RPGR: variants seen among roughly 807,000 people sequenced by gnomAD.
The protein encoded by RPGR is retinitis pigmentosa GTPase regulator, also known as X-linked retinitis pigmentosa GTPase regulator.
In RPGR, 10 loss-of-function variants were observed where a neutral mutation model predicts 56.3. The ratio of observed to expected loss-of-function variants is 0.18; its 90% confidence interval spans 0.11 to 0.30. The LOEUF (loss-of-function observed/expected upper bound fraction) is 0.30, where lower values mean the gene tolerates loss of function less well. Among genes scored for constraint, RPGR ranks in the 10% least tolerant of loss-of-function variants. The pLI is 1.00. For synonymous variants in RPGR, 197 were observed against 212.9 expected (o/e 0.93, Z 0.65); for missense variants, 538 against 590.9 (o/e 0.91, Z 0.93).
intron 1 of RPGR, among the ~76,000 whole-genome samples, chrX:38,325,353 C>T (rs1409012168): frequency 9.0e-6 from 1 of 111,108 alleles, no homozygotes; most frequent in Non-Finnish European, 1.9e-5. Flanking sequence ...AAAAGGTCCC[C>T]CTTACACACA....
At chrX:38,272,913 AC>A (rs2066868129) in intron 18 of RPGR, among the ~76,000 whole-genome samples, 1 of 111,941 alleles carries the variant, frequency 8.9e-6, no homozygotes, top group South Asian at 3.7e-4. Flanking sequence ...TCCAGAGGGG[AC>A]ATCTGAGTAA....
At chrX:38,320,959 C>A (rs2067927590) in intron 4 of RPGR, 68 bp downstream of exon 4, 1 of 837,152 alleles carries the variant, frequency 1.2e-6, no homozygotes, top group African/African-American at 2.0e-5. Context: ...TTTTACAAAG[C>A]CACGTTACTG....
At position 38,301,258 on chromosome X, in the gene RPGR, T is replaced by C. The variant is rs2147238397; in HGVS notation, c.1048A>G (p.Ile350Val). 1 of 1,201,668 alleles carries C rather than the reference T, an allele frequency of 8.3e-7. No individual in the cohort carries two copies. Among genetic ancestry groups the C allele is most frequent in the East Asian group, 3.0e-5 (1 of 33,725 alleles). The change falls in exon 9 of 19, where the codon ATA becomes GTA. Residue 350 changes from isoleucine to valine, a missense_variant. Physicochemically the swap from Ile to Val is conservative, Grantham distance 29. Coordinates refer to ENST00000642395, the MANE Select transcript of RPGR (RefSeq NM_000328.3). ...TGTGATGCCCTTACCAATTTAACTA[T>C]AAACCTCAAAAAATTAGAGCACAAA...
At chrX:38,274,947 A>G in intron 17 of RPGR, 1 of 491,575 alleles carries the variant, frequency 2.0e-6, no homozygotes, top group Non-Finnish European at 3.5e-6. Context: ...ATAGCTTGTT[A>G]TGAGGATCAT....
Position 38,297,441 on chromosome X carries a change from T to G in RPGR, c.1257A>C (p.Pro419=), listed in dbSNP as rs759743089. The G allele has an allele frequency of 1.2e-5, 14 of 1,202,573 alleles. 1 individual carries two copies. Among genetic ancestry groups the G allele is most frequent in the Admixed American group, 2.2e-5 (1 of 45,489 alleles). Reference sequence around the variant, plus strand: ...GTGTTCTCCTCATTGAAAAAGAATCTGGAGACCTCTCCTTTAAAATAAGCA... The same window carrying G: ...GTGTTCTCCTCATTGAAAAAGAATCGGGAGACCTCTCCTTTAAAATAAGCA... The change falls in exon 11 of 19, where the codon CCA becomes CCC. Residue 419 remains proline (P), a synonymous_variant. Coordinates refer to ENST00000642395, the MANE Select transcript of RPGR (RefSeq NM_000328.3).
chrX:38,302,825 T>G (rs1263341426), intron 8 of RPGR, among the ~76,000 whole-genome samples: 1 of 105,440 alleles, frequency 9.5e-6, no homozygotes, highest in Non-Finnish European at 2.0e-5. Context: ...TTCTTTTTTT[T>G]TTTGAGATGG....
chrX:38,323,547 AT>A, intron 1 of RPGR, 23 bp from the exon 2 acceptor site: 1 of 1,203,520 alleles, frequency 8.3e-7, no homozygotes, highest in Non-Finnish European at 1.1e-6. Context: ...GACGGTCTTT[AT>A]TTTATAACTT....
intron 15 of RPGR, among the ~76,000 whole-genome samples, chrX:38,281,412 A>C (rs1447867682): frequency 1.8e-5 from 2 of 112,656 alleles, no homozygotes; most frequent in East Asian, 5.6e-4. Context: ...TATGGTGTGT[A>C]ATAGTTTCAC....
At chrX:38,272,607 A>G (rs922252810) in intron 18 of RPGR, 2 of 111,106 alleles carry the variant, frequency 1.8e-5, no homozygotes, top group African/African-American at 6.6e-5. Context: ...AAAAAAAAAA[A>G]TCCATACTTA....
Position 38,287,848 on chromosome X carries a change from C to A in RPGR, c.1753+13G>T. On this transcript the variant is annotated intron_variant, in intron 14 of 18. Coordinates refer to ENST00000642395, the MANE Select transcript of RPGR (RefSeq NM_000328.3). Reference sequence around the variant, plus strand: ...AGTGTCAGCCTGAGGTCCCACCTGGCCTGTGTCATTACCTACTTCCTCATC... The same window carrying A: ...AGTGTCAGCCTGAGGTCCCACCTGGACTGTGTCATTACCTACTTCCTCATC... The A allele has an allele frequency of 8.3e-7, 1 of 1,206,247 alleles. No individual in the cohort carries two copies. The highest frequency in any genetic ancestry group is 1.1e-6 in the Non-Finnish European group (1 of 890,780).
intron 11 of RPGR, 143 bp from the exon 12 acceptor site, chrX:38,291,627 G>GA (rs1355671193): frequency 4.8e-6 from 2 of 414,617 alleles, no homozygotes; most frequent in African/African-American, 5.0e-5. Context: ...CAGGGAAATT[G>GA]AAAAGAATTC....
chrX:38,320,949 T>A (rs1216364528), intron 4 of RPGR, 78 bp downstream of exon 4: 4 of 784,059 alleles, frequency 5.1e-6, no homozygotes, highest in Non-Finnish European at 7.8e-6. Flanking sequence ...TCTCTATTAA[T>A]TTTACAAAGC....
At chrX:38,304,835 A>G in intron 7 of RPGR, 45 bp from the exon 8 acceptor site, 1 of 1,134,428 alleles carries the variant, frequency 8.8e-7, no homozygotes, top group Non-Finnish European at 1.2e-6. Flanking sequence ...ATGGAAGCAG[A>G]CACTGTTACC....
Position 38,327,437 on chromosome X carries a change from G to A in RPGR, c.-70C>T. The A allele has an allele frequency of 3.8e-6, 4 of 1,048,384 alleles. No individual in the cohort carries two copies. The South Asian group carries it at 6.5e-5, about 17-fold the overall frequency. 86.4% of individuals were successfully genotyped at this position (1,048,384 alleles called of 1,213,427 possible). A position where few individuals can be genotyped will look rare whatever the true frequency, so the allele number is the denominator to read the frequency against. On this transcript the variant is annotated 5_prime_UTR_variant, in exon 1 of 19. Transcript: ENST00000642395. ...AGAGGACGGTTTGGTCGGGGCTAAA[G>A]CAGCTACTCCGCACCGACGCGGGCC...
chrX:38,286,683 TTCC>T lies in RPGR; in HGVS notation c.1905+408_1905+410del, dbSNP rs1387045893. ...CTCTTTCCTCCTTTTTCCTCTCTCC[TTCC>T]TCCTTTTCACGTTCTCCCTCCACTT... is the stretch of plus-strand genomic sequence containing the variant. On this transcript the variant is annotated intron_variant, in intron 15 of 18. Coordinates refer to ENST00000642395, the MANE Select transcript of RPGR (RefSeq NM_000328.3). 3.5e-6 allele frequency: 4 copies of T among 1,141,758 alleles called. No individual in the cohort carries two copies. Among genetic ancestry groups the T allele is most frequent in the Admixed American group, 2.8e-5 (1 of 36,229 alleles). The allele number at this position is 1,141,758 out of a possible 1,213,427, so 94.1% of individuals were successfully genotyped here.
At chrX:38,287,526 A>G (rs1205398917) in intron 14 of RPGR, 1 of 511,896 alleles carries the variant, frequency 2.0e-6, no homozygotes, top group Middle Eastern at 3.2e-4. Flanking sequence ...CTTGCTTGCA[A>G]CTTTCCCTTT....
chrX:38,323,494 C>T lies in RPGR; in HGVS notation c.59G>A (p.Ser20Asn). ...ACCGGGATTATTTTCAGCAAATTTA[C>T]TTTTCCCAAATGTAAACACAGCACC... Residue 20 changes from serine (S) to asparagine (N), a missense_variant, in exon 2 of 19, where the codon AGT becomes AAT. Ser to Asn is a conservative substitution (Grantham distance 46). Transcript: ENST00000642395. The T allele has an allele frequency of 5.8e-6, 7 of 1,209,682 alleles. No homozygotes were observed. The highest frequency in any genetic ancestry group is 7.8e-6 in the Non-Finnish European group (7 of 894,355).
In RPGR at chrX:38,321,013, G is replaced by A. The variant is rs777722220; in HGVS notation, c.310+14C>T. 1.7e-6 allele frequency: 2 copies of A among 1,183,097 alleles called. No individual in the cohort carries two copies. Among genetic ancestry groups the A allele is most frequent in the Admixed American group, 4.3e-5 (2 of 46,002 alleles). On this transcript the variant is annotated intron_variant, in intron 4 of 18. Transcript: ENST00000642395. ...CAAAGTCAGGCAGGAAATCATACAG[G>A]TTGAGCACTATACCTGTTGACACCA... is the stretch of plus-strand genomic sequence containing the variant.
chrX:38,289,723 T>C (rs775488560), intron 13 of RPGR, among the ~76,000 whole-genome samples: 2 of 112,720 alleles, frequency 1.8e-5, no homozygotes, highest in South Asian at 7.2e-4. Flanking sequence ...TTAAAAAGAC[T>C]ATAGAAAGTA....
Sources: gnomAD v4.1 joint callset for allele counts (sites outside exome capture counted in the v4.1 genomes callset) on GRCh38, gnomAD v4.1.1 for gene constraint, MANE v1.5 for transcripts, NCBI Gene and HGNC (gene_info 2026-07-23, HGNC 2026-07-21) for gene names.